SNED1: variants seen among roughly 807,000 people sequenced by gnomAD.
SNED1 encodes the protein sushi, nidogen and EGF like domains 1, also known as sushi, nidogen and EGF-like domain-containing protein 1.
In SNED1, 81 loss-of-function variants were observed where a neutral mutation model predicts 166.7. The ratio of observed to expected loss-of-function variants is 0.49; its 90% CI spans 0.41 to 0.58. SNED1 has a LOEUF of 0.58. SNED1 is among the 20% of genes least tolerant of loss of function. The pLI, the probability that SNED1 is intolerant of heterozygous loss-of-function variation, is 0.00. For synonymous variants in SNED1, 762 were observed against 822.0 expected (o/e 0.93, Z 1.25); for missense variants, 1,604 against 2,000.2 (o/e 0.80, Z 3.78).
Position 241,082,356 on chromosome 2 carries a change from TCAC to T in SNED1, c.4117_4119del (p.His1373del), listed in dbSNP as rs2063368466. On this transcript the variant is annotated inframe_deletion, in exon 29 of 32. Coordinates refer to ENST00000310397, the MANE Select transcript of SNED1 (RefSeq NM_001080437.3). ...TTCCAGTCTGGGAGGGAGGCGTCTG[TCAC>T]CACGTGTAAGTTGGTTTCTGTCCTC... is the stretch of plus-strand genomic sequence containing the variant. The T allele has an allele frequency of 6.2e-7, 1 of 1,613,090 alleles. No homozygotes were observed. The highest frequency in any genetic ancestry group is 2.2e-5 in the East Asian group (1 of 44,866).
At chr2:241,002,007 C>T (rs1574827963) in intron 1 of SNED1, among the ~76,000 whole-genome samples, 1 of 152,300 alleles carries the variant, frequency 6.6e-6, no homozygotes, top group South Asian at 2.1e-4. Context: ...TCTGGCTCTG[C>T]ACAACATTAC....
chr2:241,047,170 GTAAA>G (rs2061675633), intron 8 of SNED1, among the ~76,000 whole-genome samples: 1 of 133,636 alleles, frequency 7.5e-6, no homozygotes, highest in African/African-American at 2.8e-5. Flanking sequence ...AAAAAAAAAA[GTAAA>G]TTAGGTAAAC....
rs1032223961 is a variant in SNED1, at chr2:240,999,289, C to A, written c.213+239C>A. 7.1e-4 allele frequency among the ~76,000 whole-genome samples: 107 copies of A among 150,450 alleles called. No homozygotes were observed. Among genetic ancestry groups the A allele is most frequent in the Non-Finnish European group, 1.3e-3 (87 of 67,380 alleles). ...GGCACCGAGGCGGGGGCGAGTGGAG[C>A]GCGGCGCCCCGGCCCCTGCCAGACC... On this transcript the variant is annotated intron_variant, in intron 1 of 31. Coordinates refer to ENST00000310397, the MANE Select transcript of SNED1 (RefSeq NM_001080437.3). The surrounding 1 kb of genome is among the most constrained non-coding windows in gnomAD (Gnocchi z 5.8).
chr2:241,051,375 T>G lies in SNED1; in HGVS notation c.1736-369T>G. On this transcript the variant is annotated intron_variant, in intron 12 of 31. Coordinates refer to ENST00000310397, the MANE Select transcript of SNED1 (RefSeq NM_001080437.3). This position sits in a 1 kb window ranked among gnomAD's most constrained non-coding sequence, Gnocchi z 4.7. Reference sequence around the variant, plus strand: ...CTGGGGACCCTGATGTCACGGCAGATGAGACTCAGCTGCTTCCTGTCAGAT... The same window carrying G: ...CTGGGGACCCTGATGTCACGGCAGAGGAGACTCAGCTGCTTCCTGTCAGAT... 3.9e-5 allele frequency: 8 copies of G among 207,194 alleles called. No homozygotes were observed. The highest frequency in any genetic ancestry group is 1.0e-4 in the East Asian group (1 of 9,582). 12.8% of individuals were successfully genotyped at this position (207,194 alleles called of 1,614,324 possible).
In SNED1 at chr2:241,064,864, A is replaced by C; in HGVS notation, c.2620A>C (p.Ser874Arg). The C allele has an allele frequency of 6.3e-7, 1 of 1,587,694 alleles. No individual in the cohort carries two copies. Among genetic ancestry groups the C allele is most frequent in the Non-Finnish European group, 8.5e-7 (1 of 1,172,246 alleles). Residue 874 changes from serine to arginine, a missense_variant, in exon 20 of 32, where the codon AGC becomes CGC. Physicochemically the swap from Ser to Arg is moderately radical, Grantham distance 110. Around this residue, in one of 2 missense-constraint regions of SNED1, gnomAD observed 1,237 missense variants for 1,620.8 expected, o/e 0.76. Transcript: ENST00000310397. This position sits in a 1 kb window ranked among gnomAD's most constrained non-coding sequence, Gnocchi z 7.0. ...CTCAGTGAGTGACCCCTGCTTCTCC[A>C]GCCCCTGTGGGGGCCGTGGCTATTG... is the stretch of plus-strand genomic sequence containing the variant. ...CETVSDPCFS[S>R]PCGGRGYCLA...
chr2:241,016,927 A>ACTGCAAC (rs1241042467), intron 1 of SNED1, among the ~76,000 whole-genome samples: 2 of 142,360 alleles, frequency 1.4e-5, no homozygotes, highest in African/African-American at 5.3e-5. Context: ...ATCTCGGCTC[A>ACTGCAAC]CTGCAACCTC....
intron 16 of SNED1, among the ~76,000 whole-genome samples, chr2:241,059,433 G>A (rs1235532529): frequency 1.3e-5 from 2 of 152,158 alleles, no homozygotes. Context: ...CAACTTATTT[G>A]ATAACTTCTC....
At chr2:241,010,620 G>C in intron 1 of SNED1, 1 of 152,474 alleles carries the variant, frequency 6.6e-6, no homozygotes, top group African/African-American at 2.4e-5. Context: ...CCCCTCCATG[G>C]CAAGGCCACC....
intron 29 of SNED1, among the ~76,000 whole-genome samples, chr2:241,085,874 T>C (rs1354843019): frequency 7.0e-6 from 1 of 143,164 alleles, no homozygotes; most frequent in Non-Finnish European, 1.5e-5. Context: ...TTTTTTTTTT[T>C]TTTTTTTTTT....
chr2:241,071,140 C>T (rs2062693464), intron 24 of SNED1, among the ~76,000 whole-genome samples: 3 of 152,156 alleles, frequency 2.0e-5, no homozygotes, highest in Non-Finnish European at 4.4e-5. Flanking sequence ...GTGACAGATG[C>T]ACCCTCACTC....
chr2:241,056,738 G>A (rs577809641), intron 16 of SNED1, among the ~76,000 whole-genome samples: 126 of 151,814 alleles, frequency 8.3e-4, no homozygotes, highest in African/African-American at 2.9e-3. Context: ...CCATCACCAC[G>A]CCCGGCTAAT....
intron 1 of SNED1, among the ~76,000 whole-genome samples, chr2:241,020,355 AG>A (rs1424239102): frequency 6.6e-6 from 1 of 152,266 alleles, no homozygotes; most frequent in Non-Finnish European, 1.5e-5. Flanking sequence ...GGGGCTGGAC[AG>A]CCACTGCCCA....
At chr2:241,058,218 T>A (rs2062122491) in intron 16 of SNED1, among the ~76,000 whole-genome samples, 1 of 152,264 alleles carries the variant, frequency 6.6e-6, no homozygotes, top group East Asian at 1.9e-4. Flanking sequence ...CAATGATAAT[T>A]GGTTCCGTTC....
intron 16 of SNED1, among the ~76,000 whole-genome samples, chr2:241,061,405 G>C (rs530958830): frequency 1.3e-5 from 2 of 152,160 alleles, no homozygotes; most frequent in Non-Finnish European, 1.5e-5. Context: ...TGCATTGCTG[G>C]CAAGAGTATA....
chr2:241,073,475 C>A lies in SNED1; in HGVS notation c.3916+111C>A. 1.1e-6 allele frequency: 1 copy of A among 897,112 alleles called. No individual in the cohort carries two copies. The highest frequency in any genetic ancestry group is 1.8e-6 in the Non-Finnish European group (1 of 553,480). 55.6% of individuals were successfully genotyped at this position (897,112 alleles called of 1,614,324 possible). On this transcript the variant is annotated intron_variant, in intron 27 of 31. Transcript: ENST00000310397. This position sits in a 1 kb window ranked among gnomAD's most constrained non-coding sequence, Gnocchi z 6.6. ...CGGTGAGGAATCAGGAGGCACAGAGCCTACCTGAGGGGAGGCTGAGCACCA... is the reference window on the plus strand; with the variant it reads ...CGGTGAGGAATCAGGAGGCACAGAGACTACCTGAGGGGAGGCTGAGCACCA...
Position 241,071,779 on chromosome 2 carries a change from TC to T in SNED1, c.3735-14del. 7.0e-7 allele frequency: 1 copy of T among 1,425,122 alleles called. No homozygotes were observed. The highest frequency in any genetic ancestry group is 2.1e-5 in the Admixed American group (1 of 48,552). 88.3% of individuals were successfully genotyped at this position (1,425,122 alleles called of 1,614,324 possible). On this transcript the variant is annotated splice_polypyrimidine_tract_variant and intron_variant, in intron 25 of 31. Coordinates refer to ENST00000310397, the MANE Select transcript of SNED1 (RefSeq NM_001080437.3). ...GGCGGCGCTCGGACTGTGGTGACCC[TC>T]CCACCCTCTCTGCAGGTTCTCGGAG... is the stretch of plus-strand genomic sequence containing the variant.
Position 241,070,190 on chromosome 2 carries a change from A to G in SNED1, c.3578A>G (p.Tyr1193Cys). 6.2e-7 allele frequency: 1 copy of G among 1,605,920 alleles called. No homozygotes were observed. The highest frequency in any genetic ancestry group is 1.3e-5 in the African/African-American group (1 of 75,014). ...GPQHSEPAHL[Y>C]IITSPRDGAD... ...CAGCACAGCGAGCCCGCCCACCTCT[A>G]CATCATCACCTGTGAGTGCCGTGGG... is the stretch of plus-strand genomic sequence containing the variant. The change falls in exon 24 of 32, where the codon TAC becomes TGC. Residue 1193 changes from tyrosine to cysteine, a missense_variant. Around this residue, in one of 2 missense-constraint regions of SNED1, gnomAD observed 367 missense variants for 379.4 expected, o/e 0.97. Transcript: ENST00000310397.
rs891386176 is a variant in SNED1 at position 241,018,503 on chromosome 2, G to C, written c.214-11781G>C. On this transcript the variant is annotated intron_variant, in intron 1 of 31. Transcript: ENST00000310397. This position sits in a 1 kb window ranked among gnomAD's most constrained non-coding sequence, Gnocchi z 5.4. ...CCTGCACGTCCCGGGGTCTAAGGTG[G>C]TCCCTGGTCAGGAGCCGGGACTGGC... Among the ~76,000 whole-genome samples the C allele has an allele frequency of 6.6e-6, 1 of 152,248 alleles. No individual in the cohort carries two copies. Among genetic ancestry groups the C allele is most frequent in the Non-Finnish European group, 1.5e-5 (1 of 68,052 alleles).
chr2:241,046,319 G>C (rs1472089469), intron 8 of SNED1, among the ~76,000 whole-genome samples: 1 of 152,130 alleles, frequency 6.6e-6, no homozygotes, highest in Non-Finnish European at 1.5e-5. Flanking sequence ...ACTCTAAAGA[G>C]ATGAAAACTT....
Sources: gnomAD v4.1 joint callset for allele counts (sites outside exome capture counted in the v4.1 genomes callset) on GRCh38, gnomAD v4.1.1 for gene constraint, gnomAD v4.1.1 regional missense constraint, Gnocchi (gnomAD v3.1) non-coding constraint, MANE v1.5 for transcripts, NCBI Gene and HGNC (gene_info 2026-07-23, HGNC 2026-07-21) for gene names.